The following DLGAP2 variants were observed in gnomAD, a reference collection of about 807,000 sequenced individuals.
The protein encoded by DLGAP2 is DLG associated protein 2.
DLGAP2 carries 26 observed loss-of-function variants against 100.3 expected under a neutral mutation model. That is an observed-to-expected ratio of 0.26 (90% CI 0.19 to 0.36). DLGAP2 has a LOEUF of 0.36. Ranked by LOEUF, DLGAP2 falls within the 10% of genes least tolerant of loss-of-function variation. The pLI is 1.00. For synonymous variants in DLGAP2, 886 were observed against 630.1 expected, an observed-to-expected ratio of 1.41 and a Z score of -6.08; for missense variants, 1,858 against 1,453.2, an observed-to-expected ratio of 1.28 and a Z score of -4.53.
intron 2 of DLGAP2, among the ~76,000 whole-genome samples, chr8:1,170,894 T>C: frequency 6.7e-6 from 1 of 148,166 alleles, no homozygotes. Context: ...TCAGTTCTGC[T>C]CTGATTTTAG....
At position 1,459,684 on chromosome 8, in the gene DLGAP2, C is replaced by CTTTTTT. The variant is rs3052056; in HGVS notation, c.107-41668_107-41663dup. ...CTGGCATTTTAAATTCTGTTGTTTTCTTTTTTTTTTTTTTTTTTTGAGATG... is the reference window on the plus strand; with the variant it reads ...CTGGCATTTTAAATTCTGTTGTTTTCTTTTTTTTTTTTTTTTTTTTTTTTTGAGATG... On this transcript the variant is annotated intron_variant, in intron 3 of 14. Transcript: ENST00000637795. 1.8e-4 allele frequency among the ~76,000 whole-genome samples: 22 copies of CTTTTTT among 120,800 alleles called. 1 individual carries two copies. Among genetic ancestry groups the CTTTTTT allele is most frequent in the South Asian group, 2.8e-4 (1 of 3,632 alleles). The allele number at this position is 120,800 out of a possible 152,430, so 79.2% of individuals were successfully genotyped here.
At chr8:1,085,336 T>C (rs1803939186) in intron 2 of DLGAP2, among the ~76,000 whole-genome samples, 1 of 152,260 alleles carries the variant, frequency 6.6e-6, no homozygotes, top group South Asian at 2.1e-4. Flanking sequence ...ATTGATTCTT[T>C]GTTGGGCAGA....
intron 3 of DLGAP2, among the ~76,000 whole-genome samples, chr8:1,445,212 A>G (rs1797951546): frequency 7.0e-6 from 1 of 143,544 alleles, no homozygotes; most frequent in Non-Finnish European, 1.5e-5. Flanking sequence ...AGCATTAGGT[A>G]TATCTCCTAA....
At chr8:866,383 C>T (rs1272148674) in intron 1 of DLGAP2, among the ~76,000 whole-genome samples, 1 of 152,208 alleles carries the variant, frequency 6.6e-6, no homozygotes, top group Admixed American at 6.5e-5. Flanking sequence ...GTGACCAGAC[C>T]AGGAGAGCCC....
In DLGAP2 at chr8:1,424,171, C is replaced by G. The variant is rs76581445; in HGVS notation, c.107-77195C>G. Among the ~76,000 whole-genome samples, 47 of 152,356 alleles carry G rather than the reference C, an allele frequency of 3.1e-4. 1 individual carries two copies. The highest frequency in any genetic ancestry group is 3.2e-4 in the Non-Finnish European group (22 of 68,040). On this transcript the variant is annotated intron_variant, in intron 3 of 14. Transcript: ENST00000637795. ...AGAATGAGCCTGCAGCTATTTCTCT[C>G]TTTCACGCAAGTTGAGAGACCTCTA... is the stretch of plus-strand genomic sequence containing the variant.
chr8:995,093 A>G (rs1386881799), intron 2 of DLGAP2, among the ~76,000 whole-genome samples: 3 of 152,224 alleles, frequency 2.0e-5, no homozygotes, highest in Non-Finnish European at 4.4e-5. Flanking sequence ...GAGCAAATGA[A>G]AAGGAATACA....
At position 1,178,683 on chromosome 8, in the gene DLGAP2, G is replaced by A. The variant is rs372424912; in HGVS notation, c.74-80168G>A. Reference sequence around the variant, plus strand: ...ACCCACCTTGAATGGATTTTGGGAAGTGCACAAAATGTAGAAGTTTTAGCA... The same window carrying A: ...ACCCACCTTGAATGGATTTTGGGAAATGCACAAAATGTAGAAGTTTTAGCA... On this transcript the variant is annotated intron_variant, in intron 2 of 14. Transcript: ENST00000637795. Among the ~76,000 whole-genome samples, 74 of 152,250 alleles carry A rather than the reference G, an allele frequency of 4.9e-4. No individual in the cohort carries two copies. In the South Asian group the frequency reaches 0.013, roughly 26 times the overall value.
At chr8:822,749 G>A (rs1445061203) in intron 1 of DLGAP2, among the ~76,000 whole-genome samples, 1 of 152,180 alleles carries the variant, frequency 6.6e-6, no homozygotes, top group Non-Finnish European at 1.5e-5. Context: ...CATGTCCACA[G>A]GCCTGGGCGT....
intron 3 of DLGAP2, among the ~76,000 whole-genome samples, chr8:1,298,379 G>C (rs530304955): frequency 2.0e-5 from 3 of 152,276 alleles, no homozygotes; most frequent in Admixed American, 6.5e-5. Context: ...CCCGCACCTG[G>C]CACTGTCGCC....
chr8:1,350,655 TGGAAAGGCCGTGCGGGTCCTGAGTGTGC>T (rs1801696360), intron 3 of DLGAP2, among the ~76,000 whole-genome samples: 1 of 103,512 alleles, frequency 9.7e-6, no homozygotes, highest in Non-Finnish European at 1.9e-5. Context: ...TGACTGTGCG[TGGAAAGGCCGTGCGGGTCCTGAGTGTGC>T]GTGGAAAGGC....
intron 2 of DLGAP2, among the ~76,000 whole-genome samples, chr8:1,170,408 A>T (rs2116675117): frequency 6.6e-6 from 1 of 152,272 alleles, no homozygotes; most frequent in South Asian, 2.1e-4. Context: ...AAAATGAGTT[A>T]GGGAGGATTC....
intron 1 of DLGAP2, among the ~76,000 whole-genome samples, chr8:797,208 C>T (rs1796054416): frequency 6.6e-6 from 1 of 152,204 alleles, no homozygotes; most frequent in African/African-American, 2.4e-5. Flanking sequence ...TGTGCCCGTT[C>T]CTGGAAGATC....
chr8:1,596,952 T>G (rs1796477523), intron 6 of DLGAP2, among the ~76,000 whole-genome samples: 2 of 152,214 alleles, frequency 1.3e-5, no homozygotes, highest in Admixed American at 1.3e-4. Context: ...GCCTGTGTCC[T>G]GAATGGTATT....
chr8:1,422,583 G>T (rs929908588), intron 3 of DLGAP2, among the ~76,000 whole-genome samples: 2 of 151,190 alleles, frequency 1.3e-5, no homozygotes, highest in African/African-American at 2.4e-5. Context: ...AAAAAGGTGT[G>T]GGTGGAACAG....
intron 6 of DLGAP2, among the ~76,000 whole-genome samples, chr8:1,575,593 T>C (rs906921240): frequency 1.6e-4 from 23 of 148,268 alleles, no homozygotes; most frequent in Non-Finnish European, 2.7e-4. Context: ...ACATTAGATA[T>C]ATCTCCTAAT....
chr8:1,197,481 C>G (rs549698268), intron 2 of DLGAP2, among the ~76,000 whole-genome samples: 3 of 152,240 alleles, frequency 2.0e-5, no homozygotes, highest in Non-Finnish European at 4.4e-5. Context: ...TGTTTATGTT[C>G]CATAAAGCTA....
intron 2 of DLGAP2, among the ~76,000 whole-genome samples, chr8:1,202,925 A>G (rs998302483): frequency 6.6e-6 from 1 of 152,084 alleles, no homozygotes; most frequent in African/African-American, 2.4e-5. Flanking sequence ...TTTTTCACAG[A>G]TGGGGTGAGC....
intron 3 of DLGAP2, among the ~76,000 whole-genome samples, chr8:1,310,936 G>A (rs755284651): frequency 6.6e-6 from 1 of 151,736 alleles, no homozygotes; most frequent in African/African-American, 2.4e-5. Flanking sequence ...AATTAACACA[G>A]AGTAAAAAAG....
At chr8:1,326,874 CAT>C (rs1446157974) in intron 3 of DLGAP2, among the ~76,000 whole-genome samples, 2 of 152,130 alleles carry the variant, frequency 1.3e-5, no homozygotes, top group Non-Finnish European at 2.9e-5. Context: ...GTTGTGGAAA[CAT>C]GTAAACACAG....
Sources: allele counts gnomAD v4.1 joint callset (sites outside exome capture counted in the v4.1 genomes callset), GRCh38; gene constraint gnomAD v4.1.1; transcripts MANE v1.5; gene names NCBI Gene and HGNC (gene_info 2026-07-23, HGNC 2026-07-21).